The following CFAP43 variants were observed in gnomAD, a reference collection of about 807,000 sequenced individuals.
The protein encoded by CFAP43 is cilia and flagella associated protein 43, also known as cilia- and flagella-associated protein 43.
CFAP43 carries 155 observed loss-of-function variants against 218.9 expected under a neutral mutation model. The observed-to-expected ratio is 0.71, with a 90% confidence interval of 0.62 to 0.81. CFAP43 has a LOEUF of 0.81. Among genes scored for constraint, CFAP43 ranks in the 30% least tolerant of loss-of-function variants. CFAP43 has a pLI of 0.00. For missense variants in CFAP43, 1,778 were observed against 1,954.3 expected, an observed-to-expected ratio of 0.91 and a Z score of 1.70; for synonymous variants, 645 against 681.3, an observed-to-expected ratio of 0.95 and a Z score of 0.83.
At chr10:104,148,408 T>C (rs2088082333) in intron 28 of CFAP43, among the ~76,000 whole-genome samples, 1 of 152,200 alleles carries the variant, frequency 6.6e-6, no homozygotes, top group Admixed American at 6.5e-5. Flanking sequence ...GTAGTTTTAT[T>C]ACCCAGGGGT....
chr10:104,171,244 A>G (rs1393875359), intron 20 of CFAP43, among the ~76,000 whole-genome samples: 1 of 152,236 alleles, frequency 6.6e-6, no homozygotes, highest in African/African-American at 2.4e-5. Flanking sequence ...CTAGATTAAT[A>G]TGCCCAGCAC....
intron 20 of CFAP43, among the ~76,000 whole-genome samples, chr10:104,169,297 T>C (rs1042502401): frequency 6.6e-5 from 10 of 152,214 alleles, no homozygotes; most frequent in African/African-American, 2.4e-4. Context: ...GATATCTAAA[T>C]GTTGGTTGAA....
At chr10:104,207,954 G>A (rs966029696) in intron 5 of CFAP43, 130 bp from the exon 6 acceptor site, 1 of 833,368 alleles carries the variant, frequency 1.2e-6, no homozygotes. Context: ...TAGGAACATT[G>A]AGCATTCATC....
At chr10:104,138,733 T>C (rs953288626) in intron 34 of CFAP43, among the ~76,000 whole-genome samples, 2 of 150,748 alleles carry the variant, frequency 1.3e-5, no homozygotes, top group Non-Finnish European at 3.0e-5. Context: ...CCTGATGAGA[T>C]CCTGGAACAG....
chr10:104,184,857 T>A, intron 16 of CFAP43, 159 bp downstream of exon 16: 1 of 785,756 alleles, frequency 1.3e-6, no homozygotes, highest in Non-Finnish European at 1.5e-6. Flanking sequence ...TACCCGAGAA[T>A]GCAGTGTACG....
Position 104,172,445 on chromosome 10 carries a change from T to C in CFAP43, c.2551A>G (p.Arg851Gly), listed in dbSNP as rs752397045. 1.2e-6 allele frequency: 2 copies of C among 1,609,800 alleles called. No individual in the cohort carries two copies. The highest frequency in any genetic ancestry group is 3.4e-5 in the Admixed American group (2 of 58,996). ...TCTTCCTGACTTTCATCATGAAGCCTTTCTAGTTCCTCAAGATCCAGACCA... is the reference window on the plus strand; with the variant it reads ...TCTTCCTGACTTTCATCATGAAGCCCTTCTAGTTCCTCAAGATCCAGACCA... ...EFGLDLEELE[R>G]LHDESQEEVA... Residue 851 changes from arginine to glycine, a missense_variant, in exon 20 of 38, where the codon AGG becomes GGG. Coordinates refer to ENST00000357060, the MANE Select transcript of CFAP43 (RefSeq NM_025145.7).
At position 104,130,310 on chromosome 10, in the gene CFAP43, C is replaced by G. The variant is rs932788540; in HGVS notation, c.4832-5G>C. The G allele has an allele frequency of 1.2e-6, 2 of 1,600,330 alleles. No individual in the cohort carries two copies. The highest frequency in any genetic ancestry group is 2.7e-5 in the African/African-American group (2 of 74,166). ...TTTCACAAGTCAGTTTAGACCCTAT[C>G]CCAAAAATGAATAAAGGAATTCGAT... On this transcript the variant is annotated splice_polypyrimidine_tract_variant and splice_region_variant and intron_variant, in intron 37 of 37. Coordinates refer to ENST00000357060, the MANE Select transcript of CFAP43 (RefSeq NM_025145.7).
At chr10:104,179,169 GA>G in intron 18 of CFAP43, 63 bp from the exon 19 acceptor site, 2 of 1,377,094 alleles carry the variant, frequency 1.5e-6, no homozygotes, top group Admixed American at 2.0e-5. Context: ...GAGAGAGAGA[GA>G]GAGAGAGAGA....
intron 30 of CFAP43, 32 bp from the exon 31 acceptor site, chr10:104,145,596 A>C: frequency 4.0e-6 from 6 of 1,481,612 alleles, no homozygotes; most frequent in Non-Finnish European, 5.6e-6. Flanking sequence ...GAGGACTGCA[A>C]CTTGGTTTGG....
chr10:104,142,482 C>A, intron 32 of CFAP43, 89 bp from the exon 33 acceptor site: 1 of 840,552 alleles, frequency 1.2e-6, no homozygotes. Flanking sequence ...ATTTAAAAAC[C>A]TTAACAGGTC....
chr10:104,143,856 T>C (rs1408281994), intron 31 of CFAP43, among the ~76,000 whole-genome samples: 5 of 152,200 alleles, frequency 3.3e-5, no homozygotes, highest in Non-Finnish European at 7.3e-5. Flanking sequence ...AGACTACAGA[T>C]GTCTCCAACT....
chr10:104,164,433 TG>T (rs2089045726), intron 23 of CFAP43, 133 bp from the exon 24 acceptor site: 4 of 684,960 alleles, frequency 5.8e-6, no homozygotes, highest in Non-Finnish European at 7.1e-6. Flanking sequence ...AGTCTCGCTT[TG>T]TTGTCCAGGC....
At chr10:104,180,519 C>T (rs1158266640) in intron 17 of CFAP43, among the ~76,000 whole-genome samples, 1 of 148,860 alleles carries the variant, frequency 6.7e-6, no homozygotes, top group Non-Finnish European at 1.5e-5. Context: ...GATCTTGGCT[C>T]ACTGCAACCT....
intron 34 of CFAP43, among the ~76,000 whole-genome samples, 154 bp from the exon 35 acceptor site, chr10:104,133,938 C>G (rs2134728794): frequency 6.6e-6 from 1 of 152,262 alleles, no homozygotes; most frequent in African/African-American, 2.4e-5. Flanking sequence ...GCTTCTTGGG[C>G]AAAATCTGAT....
intron 12 of CFAP43, among the ~76,000 whole-genome samples, chr10:104,190,827 G>A (rs1378300113): frequency 1.3e-5 from 2 of 152,166 alleles, no homozygotes; most frequent in South Asian, 2.1e-4. Context: ...AAGAGCACAC[G>A]CCCTGAAACT....
chr10:104,161,186 T>C (rs1456366222), intron 26 of CFAP43, 24 bp from the exon 27 acceptor site: 30 of 1,608,960 alleles, frequency 1.9e-5, no homozygotes, highest in Non-Finnish European at 2.3e-5. Context: ...GAAAAGCATA[T>C]ATTTCAGCTC....
chr10:104,223,040 A>G (rs2091223705), intron 3 of CFAP43, among the ~76,000 whole-genome samples: 1 of 152,230 alleles, frequency 6.6e-6, no homozygotes, highest in South Asian at 2.1e-4. Flanking sequence ...AAAAGCAGCC[A>G]TAGATAATAT....
rs150917669 is a variant in CFAP43 at position 104,152,633 on chromosome 10, C to G, written c.3634G>C (p.Val1212Leu). Residue 1212 changes from valine (V) to leucine (L), a missense_variant, in exon 28 of 38, where the codon GTG becomes CTG. By Grantham distance (32) the Val-to-Leu change is conservative. Around this residue, in one of 3 missense-constraint regions of CFAP43, gnomAD observed 1,553 missense variants for 1,685.2 expected, o/e 0.92. Transcript: ENST00000357060. ...EHLKRLFERRVKAEMVTNQEE... is the reference protein window; with the variant it reads ...EHLKRLFERRLKAEMVTNQEE... ...TGGTTGGTAACCATCTCTGCCTTCA[C>G]TCTCCTTTCAAAAAGTCTTTTCAAA... 6.2e-7 allele frequency: 1 copy of G among 1,613,814 alleles called. No homozygotes were observed. The highest frequency in any genetic ancestry group is 8.5e-7 in the Non-Finnish European group (1 of 1,179,862).
At chr10:104,156,482 G>T (rs2088554033) in intron 27 of CFAP43, among the ~76,000 whole-genome samples, 1 of 152,110 alleles carries the variant, frequency 6.6e-6, no homozygotes, top group Non-Finnish European at 1.5e-5. Flanking sequence ...TGCACTATTG[G>T]TTTCTCTTTC....
Sources: allele counts gnomAD v4.1 joint callset (sites outside exome capture counted in the v4.1 genomes callset), GRCh38; gene constraint gnomAD v4.1.1; regional missense constraint gnomAD v4.1.1; transcripts MANE v1.5; gene names NCBI Gene and HGNC (gene_info 2026-07-23, HGNC 2026-07-21).